The following RAD51B variants were observed in gnomAD, a reference collection of about 807,000 sequenced individuals.
RAD51B encodes DNA repair protein RAD51 homolog 2.
RAD51B carries 38 observed loss-of-function variants against 42.2 expected under a neutral mutation model. The ratio of observed to expected loss-of-function variants is 0.90; its 90% CI spans 0.70 to 1.18. RAD51B has a LOEUF of 1.18. RAD51B is among the 50% of genes most tolerant of loss of function. The probability of loss-of-function intolerance (pLI) is 0.00; values close to 1 mark genes in which losing one functional copy is unlikely to be tolerated. For missense variants in RAD51B, 373 were observed against 400.7 expected (o/e 0.93, Z 0.59); for synonymous variants, 154 against 145.2 (o/e 1.06, Z -0.43).
chr14:67,862,330 C>T (rs913500391), intron 4 of RAD51B, among the ~76,000 whole-genome samples: 2 of 151,152 alleles, frequency 1.3e-5, no homozygotes, highest in African/African-American at 4.9e-5. Flanking sequence ...AAATGAGTAT[C>T]GTGGTAGAAA....
chr14:68,421,910 A>G, intron 9 of RAD51B: 2 of 1,579,616 alleles, frequency 1.3e-6, no homozygotes, highest in Non-Finnish European at 8.7e-7. Flanking sequence ...ACAAGATGCC[A>G]GGACCTGTAT....
At chr14:67,839,784 GTTTTTC>G (rs2041365113) in intron 4 of RAD51B, among the ~76,000 whole-genome samples, 1 of 151,606 alleles carries the variant, frequency 6.6e-6, no homozygotes, top group Non-Finnish European at 1.5e-5. Context: ...TTAATTTTCA[GTTTTTC>G]TTTTTACTCT....
intron 10 of RAD51B, among the ~76,000 whole-genome samples, chr14:68,573,980 A>ATGTGTGTGTGTGTG (rs58865001): frequency 2.7e-4 from 41 of 149,812 alleles, no homozygotes; most frequent in Admixed American, 6.0e-4. Context: ...CAGTGTGTGT[A>ATGTGTGTGTGTGTG]TGTGTGTGTG....
chr14:68,155,751 C>T (rs2078490691), intron 7 of RAD51B, among the ~76,000 whole-genome samples: 1 of 152,124 alleles, frequency 6.6e-6, no homozygotes, highest in Admixed American at 6.5e-5. Flanking sequence ...TAGAAAAGTT[C>T]ATGGGTAAAG....
At chr14:68,408,470 G>C (rs951153439) in intron 8 of RAD51B, among the ~76,000 whole-genome samples, 3 of 152,162 alleles carry the variant, frequency 2.0e-5, no homozygotes, top group Non-Finnish European at 2.9e-5. Flanking sequence ...CAAAGGTTGC[G>C]ACAAAGGCGT....
intron 9 of RAD51B, among the ~76,000 whole-genome samples, chr14:68,424,247 T>G (rs745306662): frequency 2.0e-5 from 3 of 152,208 alleles, no homozygotes; most frequent in Non-Finnish European, 2.9e-5. Flanking sequence ...ACTAATCCAT[T>G]TCACGGTTTA....
downstream of RAD51B, among the ~76,000 whole-genome samples, chr14:68,615,793 CT>C (rs1891813794): frequency 6.6e-6 from 1 of 152,078 alleles, no homozygotes; most frequent in Non-Finnish European, 1.5e-5. Flanking sequence ...CATTCTTTTA[CT>C]TTTAAACTAT....
chr14:68,326,960 A>G (rs1018799390), intron 8 of RAD51B, among the ~76,000 whole-genome samples: 1 of 151,954 alleles, frequency 6.6e-6, no homozygotes, highest in Non-Finnish European at 1.5e-5. Flanking sequence ...ATAGCCCAAC[A>G]TCACTCTGCT....
At chr14:68,595,756 T>G (rs1890967551) in exon 11 of RAD51B, 1 of 543,246 alleles carries the variant, frequency 1.8e-6, no homozygotes, top group Non-Finnish European at 2.5e-6. Context: ...GAAGGCTTAA[T>G]CTCATGGGAA....
At chr14:68,563,776 C>G (rs1889275903) in intron 10 of RAD51B, 1 of 985,132 alleles carries the variant, frequency 1.0e-6, no homozygotes, top group African/African-American at 1.7e-5. Context: ...GAGGCGTAAC[C>G]TGATTTTCCG....
At chr14:68,326,038 C>CTTTTTTTT (rs763428544) in intron 8 of RAD51B, among the ~76,000 whole-genome samples, 6 of 80,464 alleles carry the variant, frequency 7.5e-5, no homozygotes, top group Non-Finnish European at 8.5e-5. Flanking sequence ...TTTTTCTTTT[C>CTTTTTTTT]TTTTTTTTTT....
chr14:68,474,335 G>T (rs527706947), intron 10 of RAD51B, among the ~76,000 whole-genome samples: 2 of 152,104 alleles, frequency 1.3e-5, no homozygotes, highest in Admixed American at 6.5e-5. Flanking sequence ...TCGTATAATC[G>T]TTAAGTTTGT....
intron 10 of RAD51B, among the ~76,000 whole-genome samples, chr14:68,531,203 G>C (rs555839545): frequency 6.6e-6 from 1 of 151,406 alleles, no homozygotes; most frequent in Admixed American, 6.6e-5. Flanking sequence ...AAAAACCTAA[G>C]AGAAGATAAG....
intron 7 of RAD51B, among the ~76,000 whole-genome samples, chr14:68,177,757 C>T (rs774397433): frequency 5.3e-5 from 8 of 151,852 alleles, no homozygotes; most frequent in Non-Finnish European, 7.4e-5. Flanking sequence ...ACTCTCCAGC[C>T]GAGATGTTCA....
chr14:68,286,928 G>C (rs994625258), intron 7 of RAD51B, among the ~76,000 whole-genome samples: 1 of 152,140 alleles, frequency 6.6e-6, no homozygotes, highest in Non-Finnish European at 1.5e-5. Context: ...TTAACTCAAG[G>C]TATTTGCTGC....
intron 7 of RAD51B, among the ~76,000 whole-genome samples, chr14:68,150,134 A>G (rs1339726130): frequency 6.6e-6 from 1 of 152,144 alleles, no homozygotes; most frequent in African/African-American, 2.4e-5. Flanking sequence ...AACAAGAGAC[A>G]GGGTTTCACC....
intron 10 of RAD51B, chr14:68,540,553 G>C: frequency 1.0e-6 from 1 of 985,308 alleles, no homozygotes; most frequent in Non-Finnish European, 1.2e-6. Flanking sequence ...CAAACAATAA[G>C]TATTTGCAAA....
downstream of RAD51B, among the ~76,000 whole-genome samples, chr14:68,481,825 A>T (rs1883200742): frequency 6.6e-6 from 1 of 152,196 alleles, no homozygotes; most frequent in South Asian, 2.1e-4. Context: ...CTACACACAC[A>T]ATAGTAAAGA....
intron 7 of RAD51B, among the ~76,000 whole-genome samples, chr14:67,961,034 G>A (rs1167325364): frequency 6.6e-6 from 1 of 151,850 alleles, no homozygotes; most frequent in South Asian, 2.1e-4. Context: ...TCAAGACAGG[G>A]CCTCATTCTG....
Sources: gnomAD v4.1 joint callset for allele counts (sites outside exome capture counted in the v4.1 genomes callset) on GRCh38, gnomAD v4.1.1 for gene constraint, MANE v1.5 for transcripts, NCBI Gene and HGNC (gene_info 2026-07-23, HGNC 2026-07-21) for gene names.